ZC3H12B: variants seen among roughly 807,000 people sequenced by gnomAD.
The protein encoded by ZC3H12B is probable ribonuclease ZC3H12B.
Under a neutral mutation model 43.9 loss-of-function variants are expected in ZC3H12B, and 7 were observed. The ratio of observed to expected loss-of-function variants is 0.16; its 90% CI spans 0.09 to 0.30. The LOEUF (loss-of-function observed/expected upper bound fraction) is 0.30, where lower values mean the gene tolerates loss of function less well. ZC3H12B is among the 10% of genes least tolerant of loss of function. ZC3H12B has a pLI of 1.00. For missense variants in ZC3H12B, 475 were observed against 670.2 expected, an observed-to-expected ratio of 0.71 and a Z score of 3.22; for synonymous variants, 222 against 241.7, an observed-to-expected ratio of 0.92 and a Z score of 0.76.
the ZC3H12B span, among the ~76,000 whole-genome samples, chrX:65,200,864 C>A: frequency 9.0e-6 from 1 of 111,576 alleles, no homozygotes; most frequent in Non-Finnish European, 1.9e-5. Context: ...GTGTATTGAA[C>A]CAACCTTGCA....
chrX:65,055,522 A>C, the ZC3H12B span, among the ~76,000 whole-genome samples: 3 of 111,858 alleles, frequency 2.7e-5, no homozygotes, highest in Non-Finnish European at 5.6e-5. Flanking sequence ...ATGGATGTTC[A>C]TCAAGAATAT....
chrX:65,447,197 G>A (rs1421306504), intron 3 of ZC3H12B, among the ~76,000 whole-genome samples: 1 of 111,420 alleles, frequency 9.0e-6, no homozygotes, highest in African/African-American at 3.3e-5. Flanking sequence ...AAATTCTGTA[G>A]ACTGTCTTCA....
At chrX:65,449,348 G>A (rs1156292680) in intron 3 of ZC3H12B, among the ~76,000 whole-genome samples, 4 of 111,808 alleles carry the variant, frequency 3.6e-5, no homozygotes, top group Non-Finnish European at 3.8e-5. Context: ...GCCAGGCATG[G>A]TGGTTCACGC....
chrX:65,308,011 G>A, the ZC3H12B span, among the ~76,000 whole-genome samples: 5 of 111,431 alleles, frequency 4.5e-5, no homozygotes, highest in Middle Eastern at 4.7e-3. Context: ...AAACAAATGT[G>A]AAGTAAACAC....
intron 3 of ZC3H12B, among the ~76,000 whole-genome samples, chrX:65,461,789 C>T (rs2067752479): frequency 9.1e-6 from 1 of 109,686 alleles, no homozygotes; most frequent in African/African-American, 3.3e-5. Context: ...CAAACATGGC[C>T]CATGTATATA....
At chrX:65,319,496 T>A in the ZC3H12B span, among the ~76,000 whole-genome samples, 1 of 111,801 alleles carries the variant, frequency 8.9e-6, no homozygotes, top group Non-Finnish European at 1.9e-5. Flanking sequence ...TTACCAGATG[T>A]ATAAATAAGA....
At chrX:65,185,863 G>C in the ZC3H12B span, 1 of 111,416 alleles carries the variant, frequency 9.0e-6, no homozygotes, top group African/African-American at 3.3e-5. Context: ...AGCTCATATA[G>C]CTTATTTACT....
intron 3 of ZC3H12B, among the ~76,000 whole-genome samples, chrX:65,461,958 C>T (rs2067756058): frequency 9.1e-6 from 1 of 109,434 alleles, no homozygotes. Context: ...CCAAACACCA[C>T]CTGATCTCCA....
chrX:65,070,343 C>A, the ZC3H12B span, among the ~76,000 whole-genome samples: 1 of 109,916 alleles, frequency 9.1e-6, no homozygotes, highest in Non-Finnish European at 1.9e-5. Context: ...TTTTTTCTTT[C>A]TTAATGTAGC....
At chrX:65,230,788 A>T in the ZC3H12B span, among the ~76,000 whole-genome samples, 3 of 111,337 alleles carry the variant, frequency 2.7e-5, no homozygotes, top group African/African-American at 9.8e-5. Flanking sequence ...GCTTAAGGGA[A>T]TTCTGGAGTC....
chrX:65,345,454 C>G, the ZC3H12B span, among the ~76,000 whole-genome samples: 1 of 111,390 alleles, frequency 9.0e-6, no homozygotes, highest in Admixed American at 9.6e-5. Flanking sequence ...AAACAGAAAA[C>G]CAAATATAGC....
At chrX:65,237,492 G>A in the ZC3H12B span, among the ~76,000 whole-genome samples, 6 of 110,413 alleles carry the variant, frequency 5.4e-5, no homozygotes. Context: ...TTAGATATAG[G>A]ATTATGTCAT....
chrX:65,360,640 G>A, the ZC3H12B span, among the ~76,000 whole-genome samples: 1 of 112,299 alleles, frequency 8.9e-6, no homozygotes, highest in Non-Finnish European at 1.9e-5. Context: ...CAGTTTGGCA[G>A]CTTCTTAAGT....
chrX:65,178,488 G>A, the ZC3H12B span, among the ~76,000 whole-genome samples: 155 of 112,366 alleles, frequency 1.4e-3, no homozygotes, highest in African/African-American at 4.8e-3. Flanking sequence ...CCTGCAGAAT[G>A]TGAAAATATA....
intron 1 of ZC3H12B, among the ~76,000 whole-genome samples, chrX:65,493,972 C>T (rs1005395073): frequency 4.5e-5 from 5 of 111,003 alleles, no homozygotes; most frequent in African/African-American, 1.6e-4. Context: ...GTTGAAACTG[C>T]CTTCTGATTC....
the ZC3H12B span, among the ~76,000 whole-genome samples, chrX:65,039,912 G>A: frequency 2.7e-5 from 3 of 111,104 alleles, no homozygotes; most frequent in African/African-American, 9.8e-5. Flanking sequence ...CTTTCATTTG[G>A]ATTGTTTCAG....
chrX:65,157,189 C>G, the ZC3H12B span, among the ~76,000 whole-genome samples: 958 of 111,182 alleles, frequency 8.6e-3, 17 homozygotes, highest in African/African-American at 0.03. Context: ...CCATGTTCCC[C>G]AGGCTGGTCT....
chrX:65,252,043 G>T, the ZC3H12B span, among the ~76,000 whole-genome samples: 52 of 111,797 alleles, frequency 4.7e-4, no homozygotes, highest in Non-Finnish European at 8.3e-4. Flanking sequence ...TCCAGTTTTT[G>T]CCCATTCAGT....
the ZC3H12B span, among the ~76,000 whole-genome samples, chrX:65,236,587 A>G: frequency 3.3e-4 from 37 of 111,513 alleles, no homozygotes; most frequent in African/African-American, 1.1e-3. Context: ...TTTTATTGCA[A>G]TTGCTTTTGG....
Sources: gnomAD v4.1 joint callset for allele counts (sites outside exome capture counted in the v4.1 genomes callset) on GRCh38, gnomAD v4.1.1 for gene constraint, MANE v1.5 for transcripts, NCBI Gene and HGNC (gene_info 2026-07-23, HGNC 2026-07-21) for gene names.